Variants in FBXO21 observed in about 807,000 individuals in gnomAD.
FBXO21 encodes the protein F-box protein 21, also known as F-box only protein 21.
A neutral mutation model predicts 76.6 loss-of-function variants in FBXO21; 32 were observed. The observed-to-expected ratio is 0.42, with a 90% CI of 0.32 to 0.56. FBXO21 has a LOEUF of 0.56. Among genes scored for constraint, FBXO21 ranks in the 20% least tolerant of loss-of-function variants. The probability of loss-of-function intolerance (pLI) is 0.16; values close to 1 mark genes in which losing one functional copy is unlikely to be tolerated. For missense variants in FBXO21, 586 were observed against 797.3 expected (o/e 0.73, Z 3.19); for synonymous variants, 328 against 311.5 (o/e 1.05, Z -0.56).
chr12:117,163,959 A>G (rs1956017141), intron 9 of FBXO21, among the ~76,000 whole-genome samples: 1 of 151,324 alleles, frequency 6.6e-6, no homozygotes, highest in African/African-American at 2.4e-5. Flanking sequence ...AACAAACCAA[A>G]AAAACCCCAA....
intron 7 of FBXO21, among the ~76,000 whole-genome samples, chr12:117,171,195 C>T (rs568296283): frequency 6.6e-6 from 1 of 151,702 alleles, no homozygotes; most frequent in Non-Finnish European, 1.5e-5. Flanking sequence ...AAGACCCCGT[C>T]TCTACAAAAA....
At chr12:117,157,443 C>T (rs1364410079) in intron 10 of FBXO21, among the ~76,000 whole-genome samples, 2 of 152,176 alleles carry the variant, frequency 1.3e-5, no homozygotes, top group Non-Finnish European at 1.5e-5. Context: ...ATGTAAACTG[C>T]TCCAATCACT....
intron 3 of FBXO21, among the ~76,000 whole-genome samples, chr12:117,183,564 A>T (rs1364935903): frequency 4.6e-5 from 7 of 152,196 alleles, no homozygotes; most frequent in African/African-American, 1.4e-4. Context: ...CGGCCTATTT[A>T]ACACTTTTTG....
At chr12:117,183,403 G>A (rs979577907) in intron 3 of FBXO21, among the ~76,000 whole-genome samples, 7 of 152,070 alleles carry the variant, frequency 4.6e-5, no homozygotes, top group African/African-American at 1.7e-4. Context: ...GGGATTACAG[G>A]CACCTGCCAC....
intron 11 of FBXO21, 36 bp downstream of exon 11, chr12:117,155,755 G>T (rs200476709): frequency 6.3e-7 from 1 of 1,592,584 alleles, no homozygotes; most frequent in Admixed American, 1.8e-5. Flanking sequence ...AAACACGCCC[G>T]CGGGGCCACT....
At chr12:117,152,399 G>A (rs187625507) in intron 11 of FBXO21, among the ~76,000 whole-genome samples, 2 of 151,798 alleles carry the variant, frequency 1.3e-5, no homozygotes, top group East Asian at 3.9e-4. Flanking sequence ...CCAGGAGGTT[G>A]AGGCTGCAGT....
At chr12:117,172,354 C>A in intron 7 of FBXO21, 117 bp downstream of exon 7, 1 of 1,126,178 alleles carries the variant, frequency 8.9e-7, no homozygotes, top group Non-Finnish European at 1.3e-6. Context: ...CATCACCACC[C>A]TAGTCCTATT....
chr12:117,147,174 G>A lies in FBXO21; in HGVS notation c.1676-897C>T, dbSNP rs376642250. Among the ~76,000 whole-genome samples, 11 of 151,692 alleles carry A rather than the reference G, an allele frequency of 7.3e-5. No homozygotes were observed. In the East Asian group the frequency reaches 1.2e-3, roughly 16 times the overall value. The stretch of plus-strand genomic sequence containing the variant: ...GGAAAATCGCTTGAACCTGGGAGGA[G>A]GAGGTTGCAGTGAGCTGAGATTATG... On this transcript the variant is annotated intron_variant, in intron 11 of 11. Coordinates refer to ENST00000622495, the MANE Select transcript of FBXO21 (RefSeq NM_015002.3).
intron 3 of FBXO21, among the ~76,000 whole-genome samples, chr12:117,181,053 C>A (rs1032497929): frequency 1.3e-5 from 2 of 152,194 alleles, no homozygotes; most frequent in African/African-American, 4.8e-5. Context: ...TCCCCTAGAG[C>A]CCTCATTTGA....
intron 3 of FBXO21, among the ~76,000 whole-genome samples, chr12:117,181,686 GC>G (rs1956235879): frequency 6.6e-6 from 1 of 151,770 alleles, no homozygotes; most frequent in Non-Finnish European, 1.5e-5. Context: ...GTCTCACTTT[GC>G]CACCCAGGCT....
chr12:117,179,069 T>C (rs1452981194), intron 3 of FBXO21, among the ~76,000 whole-genome samples: 5 of 152,206 alleles, frequency 3.3e-5, no homozygotes, highest in African/African-American at 9.7e-5. Flanking sequence ...ATGAAACTTA[T>C]CTGGCTGACA....
At chr12:117,181,142 G>T (rs1956225797) in intron 3 of FBXO21, among the ~76,000 whole-genome samples, 1 of 151,718 alleles carries the variant, frequency 6.6e-6, no homozygotes, top group Non-Finnish European at 1.5e-5. Context: ...TGTTTTTTTT[G>T]GGGCGGGGAG....
intron 11 of FBXO21, among the ~76,000 whole-genome samples, chr12:117,150,767 G>C (rs1290672842): frequency 6.6e-6 from 1 of 152,172 alleles, no homozygotes; most frequent in Non-Finnish European, 1.5e-5. Context: ...GAAAGCCAAA[G>C]CATCCTCTGA....
chr12:117,174,577 A>G, intron 5 of FBXO21, 74 bp downstream of exon 5: 2 of 1,530,550 alleles, frequency 1.3e-6, no homozygotes, highest in Non-Finnish European at 1.8e-6. Context: ...CAGCACACTA[A>G]CAAATCTCTC....
rs1955754120 is a variant in FBXO21, at chr12:117,145,100, T to G, written c.*987A>C. 6.6e-6 allele frequency: 1 copy of G among 151,896 alleles called. No homozygotes were observed. Among genetic ancestry groups the G allele is most frequent in the Non-Finnish European group, 1.5e-5 (1 of 67,974 alleles). 9.4% of individuals were successfully genotyped at this position (151,896 alleles called of 1,614,324 possible). A position where few individuals can be genotyped will look rare whatever the true frequency, so the allele number is the denominator to read the frequency against. The stretch of plus-strand genomic sequence containing the variant: ...TTTTTTTTAAGGTTCATTAATTTTT[T>G]TTTTTCCTGATTACAAAAGCAAAAC... On this transcript the variant is annotated 3_prime_UTR_variant, in exon 12 of 12. Coordinates refer to ENST00000622495, the MANE Select transcript of FBXO21 (RefSeq NM_015002.3).
chr12:117,182,542 T>TG (rs1356100990), intron 3 of FBXO21, among the ~76,000 whole-genome samples: 1 of 141,254 alleles, frequency 7.1e-6, no homozygotes, highest in Non-Finnish European at 1.5e-5. Context: ...CCCAGCACAT[T>TG]GGGAGGCCAC....
At position 117,145,458 on chromosome 12, in the gene FBXO21, TAAAA is replaced by T. The variant is rs71783953; in HGVS notation, c.*625_*628del. 3 of 149,490 alleles carry T rather than the reference TAAAA, an allele frequency of 2.0e-5. No individual in the cohort carries two copies. Among genetic ancestry groups the T allele is most frequent in the African/African-American group, 7.4e-5 (3 of 40,618 alleles). The allele number at this position is 149,490 out of a possible 1,614,324, so 9.3% of individuals were successfully genotyped here. A position where few individuals can be genotyped will look rare whatever the true frequency, so the allele number is the denominator to read the frequency against. ...ACTGTGTTATATTCCCATTTAAATT[TAAAA>T]AAAAAAGATAAAACACTTGAAATCT... On this transcript the variant is annotated 3_prime_UTR_variant, in exon 12 of 12. Transcript: ENST00000622495.
At chr12:117,150,342 A>T (rs890338917) in intron 11 of FBXO21, among the ~76,000 whole-genome samples, 1 of 152,202 alleles carries the variant, frequency 6.6e-6, no homozygotes, top group Non-Finnish European at 1.5e-5. Flanking sequence ...ATGAATAAAT[A>T]CTATGGAAAC....
intron 1 of FBXO21, 42 bp downstream of exon 1, chr12:117,190,176 G>A: frequency 1.7e-6 from 2 of 1,151,586 alleles, no homozygotes; most frequent in Non-Finnish European, 2.2e-6. Context: ...GGGGGGCGCG[G>A]GGCGGTGGGC....
Sources: allele counts gnomAD v4.1 joint callset (sites outside exome capture counted in the v4.1 genomes callset), GRCh38; gene constraint gnomAD v4.1.1; transcripts MANE v1.5; gene names NCBI Gene and HGNC (gene_info 2026-07-23, HGNC 2026-07-21).